The following PCDHGA7 variants were observed in gnomAD, a reference collection of about 807,000 sequenced individuals.
The protein encoded by PCDHGA7 is protocadherin gamma subfamily A, 7.
In PCDHGA7, 44 loss-of-function variants were observed where a neutral mutation model predicts 58.3. That is an observed-to-expected ratio of 0.75 (90% CI 0.59 to 0.97). The LOEUF (loss-of-function observed/expected upper bound fraction) is 0.97, where lower values mean the gene tolerates loss of function less well. Among genes scored for constraint, PCDHGA7 ranks in the 50% least tolerant of loss-of-function variants. The pLI is 0.00. For missense variants in PCDHGA7, 1,266 were observed against 1,188.7 expected (o/e 1.06, Z -0.96); for synonymous variants, 516 against 504.2 (o/e 1.02, Z -0.31).
chr5:141,417,785 A>C (rs1273908599), intron 1 of PCDHGA7: 22 of 1,476,018 alleles, frequency 1.5e-5, no homozygotes, highest in Non-Finnish European at 1.7e-5. Context: ...TCCTGGGCCG[A>C]ATGCTCTTTT....
intron 1 of PCDHGA7, among the ~76,000 whole-genome samples, chr5:141,444,242 G>A (rs964582042): frequency 7.5e-6 from 1 of 133,896 alleles, no homozygotes; most frequent in Non-Finnish European, 1.5e-5. Flanking sequence ...CATGCTCTCG[G>A]CTCACTGCAA....
At chr5:141,394,739 C>G (rs377359689) in intron 1 of PCDHGA7, 1 of 1,613,390 alleles carries the variant, frequency 6.2e-7, no homozygotes, top group Non-Finnish European at 8.5e-7. Context: ...AGCAGAGCCT[C>G]GTGGTGGCCG....
chr5:141,389,887 A>T (rs1473090410), intron 1 of PCDHGA7: 2 of 1,613,940 alleles, frequency 1.2e-6, no homozygotes, highest in South Asian at 1.1e-5. Flanking sequence ...AGCTTGCAGG[A>T]GGTGCTGCCG....
chr5:141,451,874 C>T (rs1264178631), intron 1 of PCDHGA7, among the ~76,000 whole-genome samples: 1 of 151,956 alleles, frequency 6.6e-6, no homozygotes, highest in Non-Finnish European at 1.5e-5. Context: ...GAATGAAACC[C>T]TGTCAAGAAA....
At chr5:141,505,993 T>TGCGA (rs2099849805) in intron 3 of PCDHGA7, among the ~76,000 whole-genome samples, 1 of 152,188 alleles carries the variant, frequency 6.6e-6, no homozygotes, top group African/African-American at 2.4e-5. Context: ...CTCCTCTTTA[T>TGCGA]GCGAGGCTCC....
Position 141,383,674 on chromosome 5 carries a change from A to T in PCDHGA7, c.775A>T (p.Thr259Ser). Reference sequence around the variant, plus strand: ...TGTCCCCGAGAATGTGCCAGTGGGTACAAGACTGCTCACGGTACATGCTAT... The same window carrying T: ...TGTCCCCGAGAATGTGCCAGTGGGTTCAAGACTGCTCACGGTACATGCTAT... Reference protein sequence around the residue: ...VTVPENVPVGTRLLTVHAIDL... With the variant: ...VTVPENVPVGSRLLTVHAIDL... The change falls in exon 1 of 4, where the codon ACA becomes TCA. Residue 259 changes from threonine to serine, a missense_variant. Thr to Ser is a moderately conservative substitution (Grantham distance 58). Coordinates refer to ENST00000518325, the MANE Select transcript of PCDHGA7 (RefSeq NM_018920.4). 1 of 1,614,034 alleles carries T rather than the reference A, an allele frequency of 6.2e-7. No individual in the cohort carries two copies. Among genetic ancestry groups the T allele is most frequent in the Non-Finnish European group, 8.5e-7 (1 of 1,179,884 alleles).
At chr5:141,500,116 C>T (rs1458562489) in intron 2 of PCDHGA7, among the ~76,000 whole-genome samples, 4 of 149,046 alleles carry the variant, frequency 2.7e-5, no homozygotes, top group Admixed American at 2.0e-4. Context: ...GAATCCCTGC[C>T]TTTTCATATA....
Position 141,494,920 on chromosome 5 carries a change from G to A in PCDHGA7, c.2483+55G>A, listed in dbSNP as rs1329724849. The A allele has an allele frequency of 1.8e-5, 29 of 1,613,680 alleles. No individual in the cohort carries two copies. The East Asian group carries it at 6.5e-4, about 36-fold the overall frequency. On this transcript the variant is annotated intron_variant, in intron 2 of 3. Coordinates refer to ENST00000518325, the MANE Select transcript of PCDHGA7 (RefSeq NM_018920.4). ...TTCTCTGCGGCATTTTCTCAGGGAT[G>A]ACGTGGGAGGAGATGGGGGAGGGCC...
chr5:141,429,389 A>ATTT (rs1561841246), intron 1 of PCDHGA7, among the ~76,000 whole-genome samples: 155 of 147,652 alleles, frequency 1.0e-3, no homozygotes, highest in African/African-American at 3.7e-3. Flanking sequence ...TTTTTTTTTA[A>ATTT]AAAAAATTGA....
At chr5:141,417,027 GGT>G (rs1491367168) in intron 1 of PCDHGA7, 2 of 134,514 alleles carry the variant, frequency 1.5e-5, no homozygotes, top group Non-Finnish European at 3.1e-5. Flanking sequence ...GAAAAATACA[GGT>G]TTTTTTTTTA....
rs1329435709 is a variant in PCDHGA7 at position 141,485,726 on chromosome 5, C to T, written c.2425-9081C>T. ...ACACTTTGCACTGGATGTGAAGAAGCGCAGCGACGGCAGCCTGGTCCCAGA... is the reference window on the plus strand; with the variant it reads ...ACACTTTGCACTGGATGTGAAGAAGTGCAGCGACGGCAGCCTGGTCCCAGA... On this transcript the variant is annotated intron_variant, in intron 1 of 3. Coordinates refer to ENST00000518325, the MANE Select transcript of PCDHGA7 (RefSeq NM_018920.4). This position sits in a 1 kb window ranked among gnomAD's most constrained non-coding sequence, Gnocchi z 5.7. 2 of 1,614,138 alleles carry T rather than the reference C, an allele frequency of 1.2e-6. No homozygotes were observed. The highest frequency in any genetic ancestry group is 8.5e-7 in the Non-Finnish European group (1 of 1,180,024).
chr5:141,421,357 T>A lies in PCDHGA7; in HGVS notation c.2424+36034T>A, dbSNP rs761522510. ...GGTGCCAGAAGAGACCGAAAAGGGC[T>A]CCTTCGTGGGCAATATCTCCAAGGA... On this transcript the variant is annotated intron_variant, in intron 1 of 3. Coordinates refer to ENST00000518325, the MANE Select transcript of PCDHGA7 (RefSeq NM_018920.4). 4.3e-6 allele frequency: 7 copies of A among 1,613,976 alleles called. 1 individual carries two copies. The South Asian group carries it at 7.7e-5, about 18-fold the overall frequency.
At chr5:141,404,399 G>T (rs1269569845) in intron 1 of PCDHGA7, 2 of 1,613,778 alleles carry the variant, frequency 1.2e-6, no homozygotes, top group African/African-American at 1.3e-5. Context: ...TGATAGCAAT[G>T]AGAATTCTAG....
intron 1 of PCDHGA7, chr5:141,393,030 C>T (rs1376617687): frequency 1.2e-6 from 2 of 1,613,780 alleles, no homozygotes; most frequent in Admixed American, 3.3e-5. Context: ...AGGTAGGACG[C>T]AGCTCTTTGC....
At chr5:141,419,014 C>A (rs1332175722) in intron 1 of PCDHGA7, 1 of 1,613,780 alleles carries the variant, frequency 6.2e-7, no homozygotes, top group Non-Finnish European at 8.5e-7. Flanking sequence ...TCAGGTGTAG[C>A]TTAAGTAGAG....
In PCDHGA7 at chr5:141,489,291, C is replaced by A; in HGVS notation, c.2425-5516C>A. ...TCGCTGGGAAATGGCAAGTGCTGTG[C>A]ATGTTGTCCTTGTGCTGCTGGGGCT... is the stretch of plus-strand genomic sequence containing the variant. On this transcript the variant is annotated intron_variant, in intron 1 of 3. Transcript: ENST00000518325. This position sits in a 1 kb window ranked among gnomAD's most constrained non-coding sequence, Gnocchi z 4.5. 6.3e-7 allele frequency: 1 copy of A among 1,577,628 alleles called. No homozygotes were observed. The highest frequency in any genetic ancestry group is 8.6e-7 in the Non-Finnish European group (1 of 1,161,994).
Position 141,431,938 on chromosome 5 carries a change from A to G in PCDHGA7, c.2424+46615A>G, listed in dbSNP as rs150199588. 49 of 1,614,050 alleles carry G rather than the reference A, an allele frequency of 3.0e-5. No individual in the cohort carries two copies. Among genetic ancestry groups the G allele is most frequent in the Non-Finnish European group, 3.9e-5 (46 of 1,180,026 alleles). Reference sequence around the variant, plus strand: ...TCATCCAAGGAAATCTGCCCTTTAAATTAGAAAAATCTTACGGAAATTACT... The same window carrying G: ...TCATCCAAGGAAATCTGCCCTTTAAGTTAGAAAAATCTTACGGAAATTACT... On this transcript the variant is annotated intron_variant, in intron 1 of 3. Coordinates refer to ENST00000518325, the MANE Select transcript of PCDHGA7 (RefSeq NM_018920.4). This position sits in a 1 kb window ranked among gnomAD's most constrained non-coding sequence, Gnocchi z 4.8.
chr5:141,451,314 G>A (rs1286009420), intron 1 of PCDHGA7, among the ~76,000 whole-genome samples: 1 of 152,218 alleles, frequency 6.6e-6, no homozygotes, highest in Non-Finnish European at 1.5e-5. Context: ...AGCAATTAAA[G>A]TGTCACCTAA....
At chr5:141,394,883 ACT>A (rs1415060925) in intron 1 of PCDHGA7, 4 of 1,611,604 alleles carry the variant, frequency 2.5e-6, no homozygotes, top group Admixed American at 1.7e-5. Context: ...CGAGCCTTAC[ACT>A]CTATCTCGTG....
Sources: allele counts gnomAD v4.1 joint callset (sites outside exome capture counted in the v4.1 genomes callset), GRCh38; gene constraint gnomAD v4.1.1; non-coding constraint Gnocchi (gnomAD v3.1); transcripts MANE v1.5; gene names NCBI Gene and HGNC (gene_info 2026-07-23, HGNC 2026-07-21).